Variants in PHF14 observed in about 807,000 individuals in gnomAD.
The protein encoded by PHF14 is PHD finger protein 14.
Under a neutral mutation model 117.9 loss-of-function variants are expected in PHF14, and 55 were observed. The ratio of observed to expected loss-of-function variants is 0.47; its 90% CI spans 0.38 to 0.58. The LOEUF is 0.58. Among genes scored for constraint, PHF14 ranks in the 20% least tolerant of loss-of-function variants. The pLI, the probability that PHF14 is intolerant of heterozygous loss-of-function variation, is 0.00. For synonymous variants in PHF14, 409 were observed against 368.6 expected (o/e 1.11, Z -1.26); for missense variants, 978 against 1,122.2 (o/e 0.87, Z 1.84).
At chr7:11,070,551 TC>T (rs1785582367) in intron 16 of PHF14, among the ~76,000 whole-genome samples, 1 of 152,236 alleles carries the variant, frequency 6.6e-6, no homozygotes, top group African/African-American at 2.4e-5. Flanking sequence ...ATTTTCTTCT[TC>T]CTTCTAAGCC....
At chr7:11,150,365 G>A (rs577090237) in intron 17 of PHF14, among the ~76,000 whole-genome samples, 24 of 152,190 alleles carry the variant, frequency 1.6e-4, no homozygotes, top group East Asian at 5.8e-4. Context: ...TTATAAAGAC[G>A]AACAGAGGCA....
chr7:11,138,183 T>G (rs10807748), intron 17 of PHF14, among the ~76,000 whole-genome samples: 81,632 of 151,582 alleles, frequency 0.54, 22,963 homozygotes, highest in East Asian at 0.84. Flanking sequence ...TGGGATTACA[T>G]GTGCTCGCCA....
At chr7:11,064,234 C>T (rs917204443) in intron 16 of PHF14, among the ~76,000 whole-genome samples, 1 of 151,860 alleles carries the variant, frequency 6.6e-6, no homozygotes, top group South Asian at 2.1e-4. Flanking sequence ...AAAGTAATCT[C>T]ATAAGCTAAT....
chr7:11,058,086 A>G (rs566486942), intron 14 of PHF14, among the ~76,000 whole-genome samples: 1 of 152,306 alleles, frequency 6.6e-6, no homozygotes, highest in South Asian at 2.1e-4. Flanking sequence ...TCCTTCTTCC[A>G]CATATTATTT....
chr7:11,146,196 A>G (rs1389245321), intron 17 of PHF14, among the ~76,000 whole-genome samples: 3 of 152,156 alleles, frequency 2.0e-5, no homozygotes, highest in African/African-American at 7.2e-5. Context: ...TTGAAATACA[A>G]TTTTTATATG....
intron 16 of PHF14, chr7:11,104,573 AGG>A (rs1156625539): frequency 3.5e-5 from 34 of 983,108 alleles, no homozygotes; most frequent in Non-Finnish European, 4.1e-5. Context: ...ATCACACAGT[AGG>A]GAAAGGAAGA....
At chr7:10,997,988 G>A (rs1485029626) in intron 4 of PHF14, among the ~76,000 whole-genome samples, 2 of 152,174 alleles carry the variant, frequency 1.3e-5, no homozygotes, top group Non-Finnish European at 2.9e-5. Flanking sequence ...CTATCTTAGA[G>A]GCTGCCTACC....
chr7:11,015,029 T>A (rs1783488933), intron 5 of PHF14: 1 of 152,084 alleles, frequency 6.6e-6, no homozygotes, highest in Admixed American at 6.6e-5. Flanking sequence ...CTTAAATTTT[T>A]ATTTTGTCAC....
At chr7:11,024,298 G>A (rs553654370) in intron 6 of PHF14, among the ~76,000 whole-genome samples, 1 of 152,176 alleles carries the variant, frequency 6.6e-6, no homozygotes, top group African/African-American at 2.4e-5. Flanking sequence ...AGCCATCTCC[G>A]TAATATAAAA....
chr7:11,164,967 C>T (rs1159323109), intron 17 of PHF14, among the ~76,000 whole-genome samples: 1 of 152,176 alleles, frequency 6.6e-6, no homozygotes, highest in Non-Finnish European at 1.5e-5. Context: ...CTCAATTGCC[C>T]AGGCTGCAGT....
At chr7:11,042,866 C>T in intron 13 of PHF14, 52 bp downstream of exon 13, 2 of 1,279,628 alleles carry the variant, frequency 1.6e-6, no homozygotes, top group Admixed American at 2.2e-5. Flanking sequence ...CTCTTAGTTT[C>T]AGCAGTATAA....
chr7:11,123,127 G>A (rs1583483724), intron 17 of PHF14, among the ~76,000 whole-genome samples: 2 of 151,504 alleles, frequency 1.3e-5, no homozygotes, highest in Admixed American at 6.6e-5. Context: ...TTTTTTTCTC[G>A]CTGCAGTTGA....
intron 2 of PHF14, among the ~76,000 whole-genome samples, chr7:10,975,744 G>A (rs1202144683): frequency 6.6e-6 from 1 of 152,056 alleles, no homozygotes; most frequent in Non-Finnish European, 1.5e-5. Flanking sequence ...TTTTAATAAA[G>A]TGAGATGAAA....
chr7:11,020,806 C>G (rs568341724), intron 5 of PHF14, among the ~76,000 whole-genome samples: 1 of 152,122 alleles, frequency 6.6e-6, no homozygotes, highest in East Asian at 1.9e-4. Flanking sequence ...AAATGAACAA[C>G]CTCCTACTCA....
chr7:11,005,121 TTAA>T (rs766767343), intron 4 of PHF14, among the ~76,000 whole-genome samples: 28 of 152,116 alleles, frequency 1.8e-4, no homozygotes, highest in Non-Finnish European at 3.1e-4. Context: ...CTATTTGTAA[TTAA>T]TGATAAATCT....
In PHF14 at chr7:11,061,796, C is replaced by A; in HGVS notation, c.2487C>A (p.Thr829=). ...TTTTTTTTGTTTTTTTCCAGAGAAC[C>A]AGAGGACGAAAACGAAGCTTCGTTC... is the stretch of plus-strand genomic sequence containing the variant. ...PKKIPIRNTR[T]RGRKRSFVPE... The change falls in exon 15 of 18, where the codon ACC becomes ACA. Residue 829 remains threonine, a synonymous_variant. Transcript: ENST00000634607. The A allele has an allele frequency of 6.6e-7, 1 of 1,511,466 alleles. No homozygotes were observed. Among genetic ancestry groups the A allele is most frequent in the Non-Finnish European group, 8.8e-7 (1 of 1,130,978 alleles). 93.6% of individuals were successfully genotyped at this position (1,511,466 alleles called of 1,614,324 possible). A position where few individuals can be genotyped will look rare whatever the true frequency, so the allele number is the denominator to read the frequency against.
intron 14 of PHF14, among the ~76,000 whole-genome samples, chr7:11,058,159 A>G (rs1164139410): frequency 6.6e-6 from 1 of 152,172 alleles, no homozygotes; most frequent in Non-Finnish European, 1.5e-5. Context: ...GAAAAGGACC[A>G]CCCAGTTATA....
At chr7:11,088,618 AT>A (rs1337661307) in intron 16 of PHF14, among the ~76,000 whole-genome samples, 1 of 152,014 alleles carries the variant, frequency 6.6e-6, no homozygotes, top group East Asian at 1.9e-4. Context: ...TAGTCATGAA[AT>A]TTTTTTTAAT....
At chr7:11,156,871 G>GT (rs545755565) in intron 17 of PHF14, among the ~76,000 whole-genome samples, 28 of 152,204 alleles carry the variant, frequency 1.8e-4, no homozygotes, top group Admixed American at 1.7e-3. Context: ...TTGATGTTGA[G>GT]TTTATGTTAA....
Sources: gnomAD v4.1 joint callset for allele counts (sites outside exome capture counted in the v4.1 genomes callset) on GRCh38, gnomAD v4.1.1 for gene constraint, MANE v1.5 for transcripts, NCBI Gene and HGNC (gene_info 2026-07-23, HGNC 2026-07-21) for gene names.